B4GALNT4: variants seen among roughly 807,000 people sequenced by gnomAD.
B4GALNT4 encodes N-acetyl-beta-glucosaminyl-glycoprotein 4-beta-N-acetylgalactosaminyltransferase 1.
In B4GALNT4, 77 loss-of-function variants were observed where a neutral mutation model predicts 110.0. The observed-to-expected ratio is 0.70, with a 90% CI of 0.58 to 0.85. The LOEUF (loss-of-function observed/expected upper bound fraction) is 0.85, where lower values mean the gene tolerates loss of function less well. Ranked by LOEUF, B4GALNT4 falls within the 40% of genes least tolerant of loss-of-function variation. The pLI, the probability that B4GALNT4 is intolerant of heterozygous loss-of-function variation, is 0.00. For missense variants in B4GALNT4, 1,575 were observed against 1,506.0 expected (o/e 1.05, Z -0.76); for synonymous variants, 785 against 655.5 (o/e 1.20, Z -3.02).
rs1846755432 is a variant in B4GALNT4 at position 376,451 on chromosome 11, T to C, written c.1328T>C (p.Leu443Pro). Reference protein sequence around the residue: ...DFLDDEDEGELLDSLEPTEAA... With the variant: ...DFLDDEDEGEPLDSLEPTEAA... Reference sequence around the variant, plus strand: ...CTGGACGACGAGGACGAGGGGGAGCTGCTCGACAGCCTGGAGCCCACCGAG... The same window carrying C: ...CTGGACGACGAGGACGAGGGGGAGCCGCTCGACAGCCTGGAGCCCACCGAG... Residue 443 changes from leucine to proline, a missense_variant, in exon 14 of 20, where the codon CTG becomes CCG. Leu to Pro is a moderately conservative substitution (Grantham distance 98, BLOSUM62 -3). Transcript: ENST00000329962. 3.8e-6 allele frequency: 6 copies of C among 1,595,876 alleles called. No homozygotes were observed. The highest frequency in any genetic ancestry group is 4.2e-6 in the Non-Finnish European group (5 of 1,178,380).
intron 18 of B4GALNT4, 168 bp from the exon 19 acceptor site, chr11:380,657 G>T (rs1207972208): frequency 3.8e-6 from 5 of 1,300,872 alleles, no homozygotes; most frequent in African/African-American, 1.5e-5. Context: ...CCGCGTTTAT[G>T]CACCGCGCTC....
chr11:377,950 G>C (rs1564871625), intron 14 of B4GALNT4, among the ~76,000 whole-genome samples: 1 of 152,262 alleles, frequency 6.6e-6, no homozygotes, highest in Non-Finnish European at 1.5e-5. Context: ...TCTAAGAAGA[G>C]GCAGTGTCTG....
At chr11:378,928 G>A (rs372138400) in intron 14 of B4GALNT4, among the ~76,000 whole-genome samples, 9 of 152,252 alleles carry the variant, frequency 5.9e-5, no homozygotes, top group African/African-American at 2.2e-4. Flanking sequence ...CCAGGCAGGG[G>A]ACTCCTCAGG....
In B4GALNT4 at chr11:376,718, C is replaced by T. The variant is rs768415536; in HGVS notation, c.1595C>T (p.Pro532Leu). The change falls in exon 14 of 20, where the codon CCG becomes CTG. Residue 532 changes from proline (P) to leucine (L), a missense_variant. By Grantham distance (98) the Pro-to-Leu change is moderately conservative. Coordinates refer to ENST00000329962, the MANE Select transcript of B4GALNT4 (RefSeq NM_178537.5). ...AAGGTGTACGTGACCAGGGTGCGGC[C>T]GGGACAGCGGGCATCCCCCCGGGCC... The part of the protein sequence containing the change: ...PPKVYVTRVR[P>L]GQRASPRAPA... 5 of 1,404,062 alleles carry T rather than the reference C, an allele frequency of 3.6e-6. No individual in the cohort carries two copies. The highest frequency in any genetic ancestry group is 1.5e-5 in the African/African-American group (1 of 65,586). The allele number at this position is 1,404,062 out of a possible 1,614,324, so 87.0% of individuals were successfully genotyped here. A position where few individuals can be genotyped will look rare whatever the true frequency, so the allele number is the denominator to read the frequency against.
chr11:379,624 C>T lies in B4GALNT4; in HGVS notation c.2411C>T (p.Pro804Leu). ...PEPAPAASVRPDGRPELCRPL... is the reference protein window; with the variant it reads ...PEPAPAASVRLDGRPELCRPL... Reference sequence around the variant, plus strand: ...CCCGCTCCCGCCGCCTCCGTGCGCCCCGACGGCCGCCCCGAGCTCTGCCGG... The same window carrying T: ...CCCGCTCCCGCCGCCTCCGTGCGCCTCGACGGCCGCCCCGAGCTCTGCCGG... Residue 804 changes from proline to leucine, a missense_variant, in exon 15 of 20, where the codon CCC (proline) becomes CTC (leucine). Transcript: ENST00000329962. 2 of 1,524,732 alleles carry T rather than the reference C, an allele frequency of 1.3e-6. No homozygotes were observed. Among genetic ancestry groups the T allele is most frequent in the South Asian group, 1.3e-5 (1 of 79,856 alleles). The allele number at this position is 1,524,732 out of a possible 1,614,324, so 94.5% of individuals were successfully genotyped here. A position where few individuals can be genotyped will look rare whatever the true frequency, so the allele number is the denominator to read the frequency against.
Position 369,780 on chromosome 11 carries a change from C to G in B4GALNT4, c.-24C>G, listed in dbSNP as rs1034299750. ...GCTGCAGCGGCGCCGCTGAGCGCGG[C>G]CTGGGGCGGGCGCGGCGGCCGCGAT... On this transcript the variant is annotated 5_prime_UTR_variant, in exon 1 of 20. Transcript: ENST00000329962. 5 of 974,756 alleles carry G rather than the reference C, an allele frequency of 5.1e-6. No individual in the cohort carries two copies. The highest frequency in any genetic ancestry group is 4.9e-6 in the Non-Finnish European group (4 of 823,994). The allele number at this position is 974,756 out of a possible 1,614,324, so 60.4% of individuals were successfully genotyped here.
At chr11:378,213 T>C (rs1436903569) in intron 14 of B4GALNT4, among the ~76,000 whole-genome samples, 2 of 152,154 alleles carry the variant, frequency 1.3e-5, no homozygotes, top group Non-Finnish European at 1.5e-5. Context: ...CTTGTGTGCA[T>C]GATGGAAGGT....
At position 376,653 on chromosome 11, in the gene B4GALNT4, A is replaced by T. The variant is rs1363510019; in HGVS notation, c.1530A>T (p.Arg510=). ...AARPLPLFLG[R]APPPRPAVEQ... is the part of the protein sequence containing the mutation. ...GCCCTTTGCCGCTCTTCTTGGGCCG[A>T]GCTCCGCCCCCGCGCCCTGCAGTGG... The change falls in exon 14 of 20, where the codon CGA becomes CGT. Residue 510 remains arginine (R), a synonymous_variant. Transcript: ENST00000329962. 9 of 1,427,976 alleles carry T rather than the reference A, an allele frequency of 6.3e-6. No homozygotes were observed. Among genetic ancestry groups the T allele is most frequent in the Non-Finnish European group, 8.2e-6 (9 of 1,092,976 alleles). 88.5% of individuals were successfully genotyped at this position (1,427,976 alleles called of 1,614,324 possible). A position where few individuals can be genotyped will look rare whatever the true frequency, so the allele number is the denominator to read the frequency against.
At position 375,934 on chromosome 11, in the gene B4GALNT4, C is replaced by T. The variant is rs777908097; in HGVS notation, c.1073C>T (p.Ala358Val). The change falls in exon 11 of 20, where the codon GCC becomes GTC. Residue 358 changes from alanine (A) to valine (V), a missense_variant. Ala to Val is a moderately conservative substitution (Grantham distance 64). Transcript: ENST00000329962. ...TACGTGGTCAAGGACTTCCCGATCG[C>T]CAGATACCAGGGCCTGCAATTTGTG... ...PTYVVKDFPI[A>V]RYQGLQFVYL... 2 of 1,612,040 alleles carry T rather than the reference C, an allele frequency of 1.2e-6. No individual in the cohort carries two copies. Among genetic ancestry groups the T allele is most frequent in the East Asian group, 2.2e-5 (1 of 44,840 alleles).
Position 379,904 on chromosome 11 carries a change from G to T in B4GALNT4, c.2527G>T (p.Asp843Tyr). The stretch of plus-strand genomic sequence containing the variant: ...ACGGTGGGTGGCACAGTTCCTGGCG[G>T]ACATGGCTGCGCTGCACGCGCGCAC... ...QARWVAQFLA[D>Y]MAALHARTGD... The change falls in exon 16 of 20, where the codon GAC (aspartate) becomes TAC (tyrosine). Residue 843 changes from aspartate (D) to tyrosine (Y), a missense_variant. Asp to Tyr is a radical substitution (Grantham distance 160). Transcript: ENST00000329962. 6.2e-7 allele frequency: 1 copy of T among 1,609,008 alleles called. No homozygotes were observed. Among genetic ancestry groups the T allele is most frequent in the Non-Finnish European group, 8.5e-7 (1 of 1,179,218 alleles).
chr11:379,564 C>T lies in B4GALNT4; in HGVS notation c.2351C>T (p.Ala784Val). The T allele has an allele frequency of 6.3e-7, 1 of 1,586,836 alleles. No individual in the cohort carries two copies. The highest frequency in any genetic ancestry group is 8.6e-7 in the Non-Finnish European group (1 of 1,168,774). Residue 784 changes from alanine to valine, a missense_variant, in exon 15 of 20, where the codon GCC (alanine) becomes GTC (valine). Physicochemically the swap from Ala to Val is moderately conservative, Grantham distance 64. Transcript: ENST00000329962. ...SEYVFLRLPG[A>V]RVGDADGESP... ...TACGTCTTCCTGCGGCTGCCGGGAG[C>T]CCGCGTAGGGGATGCAGACGGAGAA...
At chr11:379,065 T>C (rs1846817163) in intron 14 of B4GALNT4, among the ~76,000 whole-genome samples, 2 of 152,208 alleles carry the variant, frequency 1.3e-5, no homozygotes, top group South Asian at 4.1e-4. Flanking sequence ...CCTTGGAACC[T>C]TGTCCTATGG....
chr11:372,346 G>A (rs1169441340), intron 2 of B4GALNT4, 134 bp downstream of exon 2: 7 of 811,026 alleles, frequency 8.6e-6, no homozygotes, highest in East Asian at 2.7e-5. Context: ...TGTGGGGCAC[G>A]GCACAGCTTG....
intron 14 of B4GALNT4, among the ~76,000 whole-genome samples, chr11:377,697 G>A (rs944673432): frequency 2.0e-5 from 3 of 152,246 alleles, no homozygotes; most frequent in Non-Finnish European, 2.9e-5. Flanking sequence ...CATTCCGGGG[G>A]GGCCAGGCAG....
Position 376,700 on chromosome 11 carries a change from A to G in B4GALNT4, c.1577A>G (p.Tyr526Cys), listed in dbSNP as rs1226975034. ...PAVEQPPPKVYVTRVRPGQRA... is the reference protein window; with the variant it reads ...PAVEQPPPKVCVTRVRPGQRA... The stretch of plus-strand genomic sequence containing the variant: ...GTGGAGCAGCCGCCCCCAAAGGTGT[A>G]CGTGACCAGGGTGCGGCCGGGACAG... The change falls in exon 14 of 20, where the codon TAC becomes TGC. Residue 526 changes from tyrosine (Y) to cysteine (C), a missense_variant. Transcript: ENST00000329962. 7.0e-7 allele frequency: 1 copy of G among 1,419,914 alleles called. No homozygotes were observed. 88.0% of individuals were successfully genotyped at this position (1,419,914 alleles called of 1,614,324 possible).
rs1846748984 is a variant in B4GALNT4 at position 376,286 on chromosome 11, A to T, written c.1232A>T (p.Glu411Val). ...GFYKYMKMDK[E>V]EGDEDEEDEV... ...TATAAATACATGAAGATGGACAAGG[A>T]GGAGGGGGATGAGGATGAAGAAGAC... is the stretch of plus-strand genomic sequence containing the variant. Residue 411 changes from glutamate (E) to valine (V), a missense_variant, in exon 13 of 20, where the codon GAG (glutamate) becomes GTG (valine). By Grantham distance (121) the Glu-to-Val change is moderately radical. Coordinates refer to ENST00000329962, the MANE Select transcript of B4GALNT4 (RefSeq NM_178537.5). 6.2e-7 allele frequency: 1 copy of T among 1,610,354 alleles called. No individual in the cohort carries two copies. The highest frequency in any genetic ancestry group is 2.2e-5 in the East Asian group (1 of 44,780).
In B4GALNT4 at chr11:375,626, C is replaced by T. The variant is rs775719551; in HGVS notation, c.851-13C>T. Reference sequence around the variant, plus strand: ...GGGGGTCTGAGCACTCCCTGGAACTCTTCTGCCCCCAGATGAGTCAGCCTT... The same window carrying T: ...GGGGGTCTGAGCACTCCCTGGAACTTTTCTGCCCCCAGATGAGTCAGCCTT... On this transcript the variant is annotated splice_polypyrimidine_tract_variant and intron_variant, in intron 9 of 19. Coordinates refer to ENST00000329962, the MANE Select transcript of B4GALNT4 (RefSeq NM_178537.5). 6.3e-7 allele frequency: 1 copy of T among 1,592,344 alleles called. No homozygotes were observed. The highest frequency in any genetic ancestry group is 8.5e-7 in the Non-Finnish European group (1 of 1,173,690).
intron 1 of B4GALNT4, among the ~76,000 whole-genome samples, chr11:370,320 C>T (rs920988116): frequency 3.3e-5 from 5 of 152,122 alleles, no homozygotes; most frequent in Non-Finnish European, 7.4e-5. Context: ...CCTGCTGAGG[C>T]TTCCAAGAGG....
rs1226760238 is a variant in B4GALNT4, at chr11:372,133, C to T, written c.176C>T (p.Thr59Ile). The change falls in exon 2 of 20, where the codon ACC (threonine) becomes ATC (isoleucine). Residue 59 changes from threonine (T) to isoleucine (I), a missense_variant. By Grantham distance (89) the Thr-to-Ile change is moderately conservative. Coordinates refer to ENST00000329962, the MANE Select transcript of B4GALNT4 (RefSeq NM_178537.5). ...GRDGEKLTSE[T>I]DGRGVHAAPS... ...GATGGTGAGAAGCTGACCAGTGAGA[C>T]CGACGGCCGGGGGGTCCACGCTGCG... 1 of 1,549,558 alleles carries T rather than the reference C, an allele frequency of 6.5e-7. No homozygotes were observed. The highest frequency in any genetic ancestry group is 8.7e-7 in the Non-Finnish European group (1 of 1,146,834).
Sources: gnomAD v4.1 joint callset for allele counts (sites outside exome capture counted in the v4.1 genomes callset) on GRCh38, gnomAD v4.1.1 for gene constraint, MANE v1.5 for transcripts, NCBI Gene and HGNC (gene_info 2026-07-23, HGNC 2026-07-21) for gene names.